Variants in TANC1 observed in about 807,000 individuals in gnomAD.
TANC1 encodes tetratricopeptide repeat, ankyrin repeat and coiled-coil containing 1, also known as protein TANC1.
TANC1 carries 77 observed loss-of-function variants against 149.7 expected under a neutral mutation model. That is an observed-to-expected ratio of 0.51 (90% CI 0.43 to 0.62). The LOEUF is 0.62. Among genes scored for constraint, TANC1 ranks in the 20% least tolerant of loss-of-function variants. TANC1 has a pLI of 0.00. For synonymous variants in TANC1, 854 were observed against 925.0 expected (o/e 0.92, Z 1.39); for missense variants, 1,985 against 2,321.8 (o/e 0.85, Z 2.98).
intron 3 of TANC1, among the ~76,000 whole-genome samples, chr2:159,084,539 C>CT (rs2044638385): frequency 1.3e-5 from 2 of 152,206 alleles, no homozygotes; most frequent in African/African-American, 4.8e-5. Context: ...TATTCTCTCC[C>CT]TTCTCTTGTA....
intron 13 of TANC1, 24 bp downstream of exon 13, chr2:159,176,542 T>C: frequency 6.4e-7 from 1 of 1,563,108 alleles, no homozygotes; most frequent in Non-Finnish European, 8.7e-7. Flanking sequence ...CTCAAATCTT[T>C]CTCCAAGTCC....
intron 19 of TANC1, among the ~76,000 whole-genome samples, chr2:159,207,154 A>AC (rs1179413907): frequency 6.6e-6 from 1 of 152,240 alleles, no homozygotes; most frequent in Non-Finnish European, 1.5e-5. Context: ...GACATGAGGA[A>AC]CCGCTCAAAC....
At chr2:159,214,718 C>T (rs2059237124) in intron 19 of TANC1, among the ~76,000 whole-genome samples, 1 of 152,200 alleles carries the variant, frequency 6.6e-6, no homozygotes, top group Non-Finnish European at 1.5e-5. Context: ...CCCTCTGGTG[C>T]TCAGATAAGG....
intron 2 of TANC1, among the ~76,000 whole-genome samples, chr2:159,034,509 C>G (rs2040027950): frequency 1.3e-5 from 2 of 152,134 alleles, no homozygotes; most frequent in African/African-American, 4.8e-5. Context: ...TTTTCTAGGC[C>G]TCAGAATTTT....
chr2:159,010,104 C>T lies in TANC1; in HGVS notation c.-16+8915C>T, dbSNP rs571409416. Among the ~76,000 whole-genome samples the T allele has an allele frequency of 3.3e-5, 5 of 152,272 alleles. No homozygotes were observed. The South Asian group carries it at 6.2e-4, about 19-fold the overall frequency. On this transcript the variant is annotated intron_variant, in intron 2 of 26. Transcript: ENST00000263635. ...AAATAGCAAATATGGACCACTGGTGCGTGCCTTTCATTCCTCAGTAACTTC... is the reference window on the plus strand; with the variant it reads ...AAATAGCAAATATGGACCACTGGTGTGTGCCTTTCATTCCTCAGTAACTTC...
intron 1 of TANC1, among the ~76,000 whole-genome samples, chr2:158,983,822 C>G (rs2034704530): frequency 6.6e-6 from 1 of 152,124 alleles, no homozygotes; most frequent in Admixed American, 6.5e-5. Context: ...TGGGGATTCT[C>G]CTTATTGCCT....
intron 19 of TANC1, among the ~76,000 whole-genome samples, chr2:159,201,925 G>T (rs545487681): frequency 1.3e-5 from 2 of 152,202 alleles, no homozygotes; most frequent in South Asian, 4.1e-4. Context: ...GGATACCCCC[G>T]TTAGGAGGAC....
At position 159,178,963 on chromosome 2, in the gene TANC1, C is replaced by T. The variant is rs191273559; in HGVS notation, c.2310C>T (p.Asp770=). Residue 770 remains aspartate, a synonymous_variant, in exon 14 of 27, where the codon GAC becomes GAT. Transcript: ENST00000263635. The part of the protein sequence containing the change: ...VALASLHPMT[D]EQIFQAINAG... ...TCGCATCCCTCCACCCCATGACAGACGAGCAGATCTTTCAGGCTATTAATG... is the reference window on the plus strand; with the variant it reads ...TCGCATCCCTCCACCCCATGACAGATGAGCAGATCTTTCAGGCTATTAATG... The T allele has an allele frequency of 2.2e-4, 359 of 1,614,152 alleles. No individual in the cohort carries two copies. The highest frequency in any genetic ancestry group is 2.9e-4 in the Non-Finnish European group (338 of 1,180,024).
In TANC1 at chr2:159,134,683, A is replaced by G. The variant is rs927328391; in HGVS notation, c.260-1511A>G. 9.2e-5 allele frequency among the ~76,000 whole-genome samples: 14 copies of G among 151,618 alleles called. 1 individual carries two copies. Among genetic ancestry groups the G allele is most frequent in the Admixed American group, 7.9e-4 (12 of 15,244 alleles). On this transcript the variant is annotated intron_variant, in intron 4 of 26. Transcript: ENST00000263635. ...TTTTTTTTAGTTGAGACGGGGTTTC[A>G]CCATCTTGGCCAGGCTGGTCTCGAA...
intron 13 of TANC1, 36 bp downstream of exon 13, chr2:159,176,554 C>G: frequency 6.6e-7 from 1 of 1,510,108 alleles, no homozygotes; most frequent in Non-Finnish European, 9.0e-7. Flanking sequence ...TCCAAGTCCC[C>G]ATTCCAATTT....
At chr2:159,065,090 A>T (rs2042545722) in intron 2 of TANC1, among the ~76,000 whole-genome samples, 1 of 152,158 alleles carries the variant, frequency 6.6e-6, no homozygotes, top group Non-Finnish European at 1.5e-5. Flanking sequence ...AGAGAGCTTA[A>T]AGGAGACTGG....
In TANC1 at chr2:159,103,711, C is replaced by T. The variant is rs1323903220; in HGVS notation, c.259+5877C>T. ...AGTTGGAGAGGCCTCCAGAGCACATCCTGTCCAGGCCTCTTTGCAGATGTG... is the reference window on the plus strand; with the variant it reads ...AGTTGGAGAGGCCTCCAGAGCACATTCTGTCCAGGCCTCTTTGCAGATGTG... On this transcript the variant is annotated intron_variant, in intron 4 of 26. Coordinates refer to ENST00000263635, the MANE Select transcript of TANC1 (RefSeq NM_033394.3). 5.2e-5 allele frequency among the ~76,000 whole-genome samples: 5 copies of T among 96,210 alleles called. 1 individual carries two copies. The highest frequency in any genetic ancestry group is 1.4e-4 in the African/African-American group (5 of 34,650). 63.1% of individuals were successfully genotyped at this position (96,210 alleles called of 152,430 possible).
chr2:159,079,247 T>A (rs1180267920), intron 3 of TANC1, among the ~76,000 whole-genome samples: 1 of 151,998 alleles, frequency 6.6e-6, no homozygotes, highest in Non-Finnish European at 1.5e-5. Context: ...TCCAGGCTGA[T>A]CTTGAATTCC....
intron 8 of TANC1, among the ~76,000 whole-genome samples, chr2:159,164,205 G>C (rs2054345322): frequency 6.6e-6 from 1 of 152,108 alleles, no homozygotes; most frequent in Non-Finnish European, 1.5e-5. Context: ...TCAGTCCCCT[G>C]TATCTATAGT....
chr2:159,173,441 C>A (rs2055483724), intron 11 of TANC1, among the ~76,000 whole-genome samples: 1 of 152,042 alleles, frequency 6.6e-6, no homozygotes, highest in Admixed American at 6.5e-5. Context: ...CTCGTCTCTA[C>A]TAAAAATACA....
At chr2:159,135,771 T>C (rs2050602356) in intron 4 of TANC1, among the ~76,000 whole-genome samples, 1 of 152,196 alleles carries the variant, frequency 6.6e-6, no homozygotes, top group African/African-American at 2.4e-5. Flanking sequence ...AGCTACCAAA[T>C]TGTCTTTGTC....
intron 2 of TANC1, among the ~76,000 whole-genome samples, chr2:159,033,631 C>G (rs1294704952): frequency 6.6e-6 from 1 of 152,156 alleles, no homozygotes; most frequent in Non-Finnish European, 1.5e-5. Context: ...GTGGTTGTCC[C>G]TCTATTACAG....
intron 14 of TANC1, among the ~76,000 whole-genome samples, chr2:159,181,015 C>A (rs1392090711): frequency 6.6e-6 from 1 of 152,204 alleles, no homozygotes; most frequent in Non-Finnish European, 1.5e-5. Context: ...TCTTCCCCAA[C>A]TCCCAGTTGT....
intron 3 of TANC1, among the ~76,000 whole-genome samples, chr2:159,094,655 A>G (rs2045896463): frequency 6.6e-6 from 1 of 152,148 alleles, no homozygotes; most frequent in South Asian, 2.1e-4. Context: ...GTGGTTTCTC[A>G]AAGATTCCAG....
Sources: allele counts gnomAD v4.1 joint callset (sites outside exome capture counted in the v4.1 genomes callset), GRCh38; gene constraint gnomAD v4.1.1; transcripts MANE v1.5; gene names NCBI Gene and HGNC (gene_info 2026-07-23, HGNC 2026-07-21).